The following HS6ST3 variants were observed in gnomAD, a reference collection of about 807,000 sequenced individuals.
HS6ST3 encodes heparan sulfate 6-O-sulfotransferase 3.
A neutral mutation model predicts 36.7 loss-of-function variants in HS6ST3; 12 were observed. The ratio of observed to expected loss-of-function variants is 0.33; its 90% confidence interval spans 0.21 to 0.53. The LOEUF (loss-of-function observed/expected upper bound fraction) is 0.53, where lower values mean the gene tolerates loss of function less well. Ranked by LOEUF, HS6ST3 falls within the 20% of genes least tolerant of loss-of-function variation. The pLI, the probability that HS6ST3 is intolerant of heterozygous loss-of-function variation, is 0.95. For synonymous variants in HS6ST3, 240 were observed against 257.5 expected, an observed-to-expected ratio of 0.93 and a Z score of 0.65; for missense variants, 584 against 640.9, an observed-to-expected ratio of 0.91 and a Z score of 0.96.
intron 1 of HS6ST3, among the ~76,000 whole-genome samples, chr13:96,795,003 T>C (rs1594861700): frequency 6.6e-6 from 1 of 152,188 alleles, no homozygotes; most frequent in East Asian, 1.9e-4. Context: ...TGGCAAAGCA[T>C]ATTGATTTTC....
In HS6ST3 at chr13:96,161,630, T is replaced by G. The variant is rs537605079; in HGVS notation, c.707+70061T>G. ...TCTCAGTGTGCAGATGAGCTATGTT[T>G]AGTTCAAGATTAGTGAAGAAAGCCT... On this transcript the variant is annotated intron_variant, in intron 1 of 1. Transcript: ENST00000376705. Among the ~76,000 whole-genome samples, 5 of 152,350 alleles carry G rather than the reference T, an allele frequency of 3.3e-5. No homozygotes were observed. The South Asian group carries it at 1.0e-3, about 32-fold the overall frequency.
intron 1 of HS6ST3, among the ~76,000 whole-genome samples, chr13:96,389,831 C>T (rs747385977): frequency 6.6e-6 from 1 of 152,134 alleles, no homozygotes; most frequent in Non-Finnish European, 1.5e-5. Flanking sequence ...CAAAATGGAG[C>T]TCTGGTTTTC....
At chr13:96,229,530 C>T (rs80235620) in intron 1 of HS6ST3, among the ~76,000 whole-genome samples, 2,369 of 152,238 alleles carry the variant, frequency 0.016, 61 homozygotes, top group African/African-American at 0.055. Context: ...ACAGGAAACC[C>T]GCCCTCTAGT....
intron 1 of HS6ST3, among the ~76,000 whole-genome samples, chr13:96,769,851 G>A (rs139052446): frequency 6.6e-6 from 1 of 151,840 alleles, no homozygotes; most frequent in East Asian, 2.0e-4. Flanking sequence ...TTATTTTGGA[G>A]CCATACAATT....
chr13:96,203,304 G>A (rs2054352599), intron 1 of HS6ST3, among the ~76,000 whole-genome samples: 1 of 152,146 alleles, frequency 6.6e-6, no homozygotes, highest in African/African-American at 2.4e-5. Flanking sequence ...TGGTTTACCA[G>A]CCGCGGCCTT....
At chr13:96,656,992 T>TGAGA (rs1488139349) in intron 1 of HS6ST3, among the ~76,000 whole-genome samples, 1 of 137,290 alleles carries the variant, frequency 7.3e-6, no homozygotes, top group African/African-American at 2.8e-5. Flanking sequence ...TGTGTGTGTG[T>TGAGA]GTGTGTGAGA....
chr13:96,801,552 G>A (rs1034300289), intron 1 of HS6ST3, among the ~76,000 whole-genome samples: 1 of 151,510 alleles, frequency 6.6e-6, no homozygotes, highest in Non-Finnish European at 1.5e-5. Context: ...ATCACTGAGA[G>A]TCTACACTTT....
chr13:96,434,870 A>T (rs2139476727), intron 1 of HS6ST3, among the ~76,000 whole-genome samples: 1 of 152,308 alleles, frequency 6.6e-6, no homozygotes, highest in African/African-American at 2.4e-5. Flanking sequence ...ATTATAAAAA[A>T]GGCTTACTGA....
chr13:96,246,957 T>C (rs975512336), intron 1 of HS6ST3, among the ~76,000 whole-genome samples: 2 of 152,172 alleles, frequency 1.3e-5, no homozygotes, highest in Admixed American at 6.5e-5. Context: ...CCTGGAAGAC[T>C]GTGTTGCATT....
At chr13:96,791,748 C>A (rs1877798481) in intron 1 of HS6ST3, among the ~76,000 whole-genome samples, 1 of 152,022 alleles carries the variant, frequency 6.6e-6, no homozygotes, top group Non-Finnish European at 1.5e-5. Flanking sequence ...TTTGTGCTGT[C>A]CCATAGTAAT....
intron 1 of HS6ST3, among the ~76,000 whole-genome samples, chr13:96,568,880 A>G (rs2056291161): frequency 6.6e-6 from 1 of 152,210 alleles, no homozygotes; most frequent in Non-Finnish European, 1.5e-5. Flanking sequence ...TTCAAGAATA[A>G]GCTAAGTGTG....
At chr13:96,573,646 C>T in intron 1 of HS6ST3, 1 of 276,302 alleles carries the variant, frequency 3.6e-6, no homozygotes, top group South Asian at 3.5e-5. Context: ...ATACATCCTC[C>T]ACTGGAGTCC....
intron 1 of HS6ST3, among the ~76,000 whole-genome samples, chr13:96,231,372 T>G (rs899794227): frequency 6.6e-6 from 1 of 152,140 alleles, no homozygotes; most frequent in African/African-American, 2.4e-5. Flanking sequence ...AATAGGCAAT[T>G]TATAAAGAAT....
chr13:96,261,402 A>G (rs972926739), intron 1 of HS6ST3, among the ~76,000 whole-genome samples: 2 of 152,046 alleles, frequency 1.3e-5, no homozygotes, highest in African/African-American at 4.8e-5. Flanking sequence ...GAGAGTACCA[A>G]TTGTAAAAGG....
intron 1 of HS6ST3, among the ~76,000 whole-genome samples, chr13:96,639,704 C>T (rs947007201): frequency 1.3e-4 from 19 of 151,974 alleles, no homozygotes; most frequent in Admixed American, 2.0e-4. Context: ...CCCCTTCTAC[C>T]CTCCCCCAAA....
chr13:96,532,720 A>C (rs1032576672), intron 1 of HS6ST3, among the ~76,000 whole-genome samples: 1 of 152,188 alleles, frequency 6.6e-6, no homozygotes, highest in African/African-American at 2.4e-5. Flanking sequence ...GAACAAAAGA[A>C]GGTGGTTGAC....
chr13:96,315,993 A>G (rs1423567761), intron 1 of HS6ST3, among the ~76,000 whole-genome samples: 1 of 152,134 alleles, frequency 6.6e-6, no homozygotes, highest in Non-Finnish European at 1.5e-5. Context: ...CGGAATGCTC[A>G]CTTCTGGTTG....
chr13:96,833,849 A>ATGCC lies in HS6ST3; in HGVS notation c.*653_*656dup, dbSNP rs1381066742. On this transcript the variant is annotated 3_prime_UTR_variant, in exon 2 of 2. Coordinates refer to ENST00000376705, the MANE Select transcript of HS6ST3 (RefSeq NM_153456.4). ...AATCCTGACACCATAACCTTAAGCC[A>ATGCC]TGCCTTTCCTTCCATCTTTTAGGGA... 1 of 152,248 alleles carries ATGCC rather than the reference A, an allele frequency of 6.6e-6. No homozygotes were observed. The highest frequency in any genetic ancestry group is 1.5e-5 in the Non-Finnish European group (1 of 68,066). 9.4% of individuals were successfully genotyped at this position (152,248 alleles called of 1,614,324 possible).
intron 1 of HS6ST3, among the ~76,000 whole-genome samples, chr13:96,741,106 C>T (rs972952753): frequency 2.0e-5 from 3 of 152,180 alleles, no homozygotes; most frequent in Non-Finnish European, 2.9e-5. Context: ...AAACAATTTA[C>T]TGCCACCAGA....
Sources: allele counts gnomAD v4.1 joint callset (sites outside exome capture counted in the v4.1 genomes callset), GRCh38; gene constraint gnomAD v4.1.1; transcripts MANE v1.5; gene names NCBI Gene and HGNC (gene_info 2026-07-23, HGNC 2026-07-21).